The following TRIP4 variants were observed in gnomAD, a reference collection of about 807,000 sequenced individuals.
TRIP4 encodes the protein thyroid hormone receptor interactor 4.
In TRIP4, 54 loss-of-function variants were observed where a neutral mutation model predicts 81.8. The observed-to-expected ratio is 0.66, with a 90% CI of 0.53 to 0.83. The LOEUF is 0.83. Ranked by LOEUF, TRIP4 falls within the 40% of genes least tolerant of loss-of-function variation. The probability of loss-of-function intolerance (pLI) is 0.00; values close to 1 mark genes in which losing one functional copy is unlikely to be tolerated. For synonymous variants in TRIP4, 270 were observed against 242.8 expected (o/e 1.11, Z -1.04); for missense variants, 662 against 683.6 (o/e 0.97, Z 0.35).
chr15:64,442,482 G>C (rs1019990938), intron 11 of TRIP4, among the ~76,000 whole-genome samples: 1 of 151,858 alleles, frequency 6.6e-6, no homozygotes, highest in Non-Finnish European at 1.5e-5. Flanking sequence ...ATGGGGTCTT[G>C]CTATGTTGCC....
chr15:64,448,309 C>G (rs912563354), intron 12 of TRIP4, among the ~76,000 whole-genome samples: 6 of 152,118 alleles, frequency 3.9e-5, no homozygotes, highest in African/African-American at 1.4e-4. Flanking sequence ...ACCTTCAGGA[C>G]CTATAGGGCC....
intron 4 of TRIP4, among the ~76,000 whole-genome samples, chr15:64,399,843 C>T (rs1891448137): frequency 6.6e-6 from 1 of 151,306 alleles, no homozygotes; most frequent in Non-Finnish European, 1.5e-5. Context: ...GGCATGCTGG[C>T]TTATGTCTGT....
At chr15:64,432,946 T>TAAATAAATAAATAAAC (rs1299725961) in intron 11 of TRIP4, among the ~76,000 whole-genome samples, 1 of 150,302 alleles carries the variant, frequency 6.7e-6, no homozygotes, top group African/African-American at 2.5e-5. Context: ...AATAAATAAA[T>TAAATAAATAAATAAAC]AAACACTTGA....
chr15:64,391,500 C>T (rs1398142716), intron 1 of TRIP4, among the ~76,000 whole-genome samples: 1 of 151,946 alleles, frequency 6.6e-6, no homozygotes, highest in Non-Finnish European at 1.5e-5. Flanking sequence ...AAATAGCTAT[C>T]CACAGAGTTA....
intron 11 of TRIP4, among the ~76,000 whole-genome samples, chr15:64,430,321 G>A (rs1488594787): frequency 2.0e-5 from 3 of 152,228 alleles, no homozygotes; most frequent in Non-Finnish European, 4.4e-5. Flanking sequence ...AGGGTAAAAA[G>A]GTAGATGAGA....
rs1264959180 is a variant in TRIP4 at position 64,397,818 on chromosome 15, G to C, written c.618G>C (p.Leu206=). ...GSGPCLFCGT[L]VCTHEEQDIL... Reference sequence around the variant, plus strand: ...GCCCTTGCTTATTCTGTGGCACTCTGGTAAATTATTTCTTTTCTATTTTAT... The same window carrying C: ...GCCCTTGCTTATTCTGTGGCACTCTCGTAAATTATTTCTTTTCTATTTTAT... Residue 206 remains leucine (L), a splice_region_variant and synonymous_variant, in exon 4 of 13, where the codon CTG becomes CTC. Coordinates refer to ENST00000261884, the MANE Select transcript of TRIP4 (RefSeq NM_016213.5). 1 of 1,613,746 alleles carries C rather than the reference G, an allele frequency of 6.2e-7. No individual in the cohort carries two copies. The highest frequency in any genetic ancestry group is 1.7e-5 in the Admixed American group (1 of 59,952).
At chr15:64,443,110 A>G (rs1357920668) in intron 11 of TRIP4, among the ~76,000 whole-genome samples, 1 of 152,232 alleles carries the variant, frequency 6.6e-6, no homozygotes, top group Non-Finnish European at 1.5e-5. Context: ...GCCTACTTAT[A>G]GTGAATTCAA....
At position 64,395,406 on chromosome 15, in the gene TRIP4, G is replaced by A. The variant is rs1188677059; in HGVS notation, c.280G>A (p.Asp94Asn). 1 of 1,600,140 alleles carries A rather than the reference G, an allele frequency of 6.2e-7. No individual in the cohort carries two copies. Among genetic ancestry groups the A allele is most frequent in the African/African-American group, 1.4e-5 (1 of 73,602 alleles). ...QQCFKKDEIL[D>N]GQKSGDHLKR... Reference sequence around the variant, plus strand: ...TTTTTCTATCTTTAAAGAAATTTTAGATGGGCAGAAATCAGGCGACCATCT... The same window carrying A: ...TTTTTCTATCTTTAAAGAAATTTTAAATGGGCAGAAATCAGGCGACCATCT... The change falls in exon 3 of 13, where the codon GAT becomes AAT. Residue 94 changes from aspartate to asparagine, a missense_variant. By Grantham distance (23) the Asp-to-Asn change is conservative (BLOSUM62 1). Transcript: ENST00000261884.
At chr15:64,415,353 G>T (rs749169032) in intron 8 of TRIP4, among the ~76,000 whole-genome samples, 17 of 152,312 alleles carry the variant, frequency 1.1e-4, no homozygotes, top group South Asian at 4.1e-4. Context: ...ACTGATAAGT[G>T]TATTAGTTTC....
chr15:64,414,286 C>T, intron 8 of TRIP4, 75 bp downstream of exon 8: 6 of 1,571,716 alleles, frequency 3.8e-6, no homozygotes, highest in Admixed American at 1.7e-5. Flanking sequence ...ATGTCTATTT[C>T]ATAGACTTCA....
intron 3 of TRIP4, among the ~76,000 whole-genome samples, chr15:64,395,935 G>A (rs1239684493): frequency 1.3e-5 from 2 of 149,386 alleles, no homozygotes; most frequent in African/African-American, 2.5e-5. Flanking sequence ...TTGAGACAGA[G>A]TCTCGCTCTG....
At chr15:64,420,134 T>A (rs1891978365) in intron 9 of TRIP4, among the ~76,000 whole-genome samples, 1 of 151,204 alleles carries the variant, frequency 6.6e-6, no homozygotes. Flanking sequence ...TTTTTTTTTT[T>A]TTTTGAGACG....
At position 64,418,688 on chromosome 15, in the gene TRIP4, C is replaced by T. The variant is rs775181345; in HGVS notation, c.1318C>T (p.His440Tyr). 1 of 1,613,846 alleles carries T rather than the reference C, an allele frequency of 6.2e-7. No homozygotes were observed. The highest frequency in any genetic ancestry group is 8.5e-7 in the Non-Finnish European group (1 of 1,179,998). ...TGATGGTGGCTGGTGCCTCTCTGTA[C>T]ATCAGCCCTGGGCTTCTCTGCTTGT... ...GFDGGWCLSV[H>Y]QPWASLLVRG... is the part of the protein sequence containing the mutation. The change falls in exon 9 of 13, where the codon CAT (histidine) becomes TAT (tyrosine). Residue 440 changes from histidine (H) to tyrosine (Y), a missense_variant. Physicochemically the swap from His to Tyr is moderately conservative, Grantham distance 83. Transcript: ENST00000261884.
At position 64,403,070 on chromosome 15, in the gene TRIP4, G is replaced by T. The variant is rs149880545; in HGVS notation, c.697+2249G>T. 1.5e-3 allele frequency among the ~76,000 whole-genome samples: 220 copies of T among 151,460 alleles called. 2 individuals are homozygous for T. Among genetic ancestry groups the T allele is most frequent in the African/African-American group, 5.1e-3 (211 of 41,256 alleles). On this transcript the variant is annotated intron_variant, in intron 5 of 12. Coordinates refer to ENST00000261884, the MANE Select transcript of TRIP4 (RefSeq NM_016213.5). ...GTATAGACGGTGTTTCACTGTGTTA[G>T]CCAAGATGGTCTCGATCTCCTGACC...
chr15:64,392,497 A>G (rs929677723), intron 1 of TRIP4, among the ~76,000 whole-genome samples: 14 of 151,778 alleles, frequency 9.2e-5, no homozygotes, highest in South Asian at 2.1e-4. Flanking sequence ...GGGTGTGTGT[A>G]TGTGTGTGTG....
intron 4 of TRIP4, 132 bp from the exon 5 acceptor site, chr15:64,400,611 G>T: frequency 3.1e-6 from 2 of 647,296 alleles, no homozygotes; most frequent in East Asian, 2.8e-5. Context: ...TGGTGTGTTT[G>T]GATTAAAAAA....
intron 11 of TRIP4, among the ~76,000 whole-genome samples, chr15:64,440,881 A>T (rs1892500729): frequency 6.6e-6 from 1 of 152,250 alleles, no homozygotes; most frequent in African/African-American, 2.4e-5. Context: ...TAACACATTA[A>T]GAGTAATATC....
chr15:64,395,240 T>C (rs1900253462), intron 2 of TRIP4, among the ~76,000 whole-genome samples, 158 bp from the exon 3 acceptor site: 1 of 152,206 alleles, frequency 6.6e-6, no homozygotes, highest in South Asian at 2.1e-4. Context: ...GATTTAAATT[T>C]AATTCTGGTT....
chr15:64,441,272 A>G (rs1451702132), intron 11 of TRIP4, among the ~76,000 whole-genome samples: 1 of 151,784 alleles, frequency 6.6e-6, no homozygotes, highest in African/African-American at 2.4e-5. Context: ...CTGGGATTAC[A>G]GGTGTGAGCC....
Sources: gnomAD v4.1 joint callset for allele counts (sites outside exome capture counted in the v4.1 genomes callset) on GRCh38, gnomAD v4.1.1 for gene constraint, MANE v1.5 for transcripts, NCBI Gene and HGNC (gene_info 2026-07-23, HGNC 2026-07-21) for gene names.